ZNF791: variants seen among roughly 807,000 people sequenced by gnomAD.
ZNF791 encodes the protein zinc finger protein 791.
A neutral mutation model predicts 11.5 loss-of-function variants in ZNF791; 4 were observed. The ratio of observed to expected loss-of-function variants is 0.35; its 90% CI spans 0.17 to 0.80. ZNF791 has a LOEUF of 0.80. Among genes scored for constraint, ZNF791 ranks in the 30% least tolerant of loss-of-function variants. The pLI is 0.53. For synonymous variants in ZNF791, 212 were observed against 228.1 expected, an observed-to-expected ratio of 0.93 and a Z score of 0.64; for missense variants, 559 against 699.4, an observed-to-expected ratio of 0.80 and a Z score of 2.26.
rs140336473 is a variant in ZNF791 at position 12,612,806 on chromosome 19, ATTTTTTT to A, written c.3+1741_3+1747del. 1.1e-4 allele frequency among the ~76,000 whole-genome samples: 11 copies of A among 104,226 alleles called. No homozygotes were observed. In the East Asian group the frequency reaches 3.5e-3, roughly 33 times the overall value. 68.4% of individuals were successfully genotyped at this position (104,226 alleles called of 152,430 possible). ...CACTGTGTTTAAGTAATTCTGCTGG[ATTTTTTT>A]TTTTTTTTTTTTTTTTAAAGACCAA... On this transcript the variant is annotated intron_variant, in intron 1 of 3. Coordinates refer to ENST00000343325, the MANE Select transcript of ZNF791 (RefSeq NM_153358.3).
rs1164960843 is a variant in ZNF791 at position 12,633,772 on chromosome 19, AG to A, written c.*4515del. The A allele has an allele frequency of 1.3e-5, 2 of 151,364 alleles. No individual in the cohort carries two copies. The highest frequency in any genetic ancestry group is 3.9e-4 in the East Asian group (2 of 5,086). 9.4% of individuals were successfully genotyped at this position (151,364 alleles called of 1,614,324 possible). On this transcript the variant is annotated 3_prime_UTR_variant, in exon 4 of 4. Coordinates refer to ENST00000343325, the MANE Select transcript of ZNF791 (RefSeq NM_153358.3). The stretch of plus-strand genomic sequence containing the variant: ...TGGTTCTTGTTCTGTTAATGCCACT[AG>A]GGACTATGTATTCCTGATTCCACCA...
intron 1 of ZNF791, among the ~76,000 whole-genome samples, chr19:12,622,070 C>G (rs1464559758): frequency 7.4e-6 from 1 of 135,944 alleles, no homozygotes. Context: ...CCTGTGCTCT[C>G]TGAAACATGT....
In ZNF791 at chr19:12,623,830, A is replaced by G. The variant is rs752595234; in HGVS notation, c.130+4A>G. On this transcript the variant is annotated splice_donor_region_variant and intron_variant, in intron 2 of 3. Transcript: ENST00000343325. Reference sequence around the variant, plus strand: ...TTCAAGAACCTGGCATCTATAGGTAAGGATGACATCATTTTTTCTTTTTTC... The same window carrying G: ...TTCAAGAACCTGGCATCTATAGGTAGGGATGACATCATTTTTTCTTTTTTC... The G allele has an allele frequency of 2.1e-6, 3 of 1,451,912 alleles. No individual in the cohort carries two copies. In the East Asian group the frequency reaches 6.9e-5, roughly 34 times the overall value. 89.9% of individuals were successfully genotyped at this position (1,451,912 alleles called of 1,614,324 possible).
At position 12,627,650 on chromosome 19, in the gene ZNF791, T is replaced by TCTA. The variant is rs2023448401; in HGVS notation, c.192-66_192-64dup. On this transcript the variant is annotated intron_variant, in intron 3 of 3. Transcript: ENST00000343325. ...TCAAAAAAGAAAAAAGAACTTTAGTTCTACTACCCGATAATACATATAAAA... is the reference window on the plus strand; with the variant it reads ...TCAAAAAAGAAAAAAGAACTTTAGTTCTACTACTACCCGATAATACATATAAAA... 3.7e-6 allele frequency: 5 copies of TCTA among 1,349,974 alleles called. No homozygotes were observed. The Admixed American group carries it at 1.1e-4, about 31-fold the overall frequency. 83.6% of individuals were successfully genotyped at this position (1,349,974 alleles called of 1,614,324 possible). A position where few individuals can be genotyped will look rare whatever the true frequency, so the allele number is the denominator to read the frequency against.
intron 1 of ZNF791, among the ~76,000 whole-genome samples, chr19:12,619,662 G>A (rs1243626483): frequency 6.6e-6 from 1 of 151,326 alleles, no homozygotes; most frequent in Non-Finnish European, 1.5e-5. Flanking sequence ...TGTTAGCCAG[G>A]ATGCTCTCGA....
chr19:12,615,684 CAGG>C (rs113964345), intron 1 of ZNF791, among the ~76,000 whole-genome samples: 9,375 of 149,826 alleles, frequency 0.063, 691 homozygotes, highest in African/African-American at 0.18. Context: ...GAGGCTGAGG[CAGG>C]AGAATTGCTT....
intron 1 of ZNF791, 76 bp downstream of exon 1, chr19:12,611,158 C>G (rs2023149538): frequency 1.9e-6 from 3 of 1,590,158 alleles, no homozygotes; most frequent in Admixed American, 3.4e-5. Flanking sequence ...CACCTCCGGC[C>G]GCAGTGTGGG....
chr19:12,622,221 G>C (rs1226725273), intron 1 of ZNF791, among the ~76,000 whole-genome samples: 1 of 138,224 alleles, frequency 7.2e-6, no homozygotes, highest in Non-Finnish European at 1.6e-5. Flanking sequence ...ACTGCGGAAG[G>C]CCGCAGGGTC....
chr19:12,611,702 C>G (rs1353671498), intron 1 of ZNF791, among the ~76,000 whole-genome samples: 1 of 152,160 alleles, frequency 6.6e-6, no homozygotes, highest in African/African-American at 2.4e-5. Flanking sequence ...AAATTATTCA[C>G]TTGGAACTAA....
chr19:12,623,610 C>T lies in ZNF791; in HGVS notation c.4-90C>T. 3.2e-6 allele frequency: 5 copies of T among 1,567,782 alleles called. No individual in the cohort carries two copies. The South Asian group carries it at 5.7e-5, about 18-fold the overall frequency. ...AGTCATGCACTAAATGTTTGGAGACCACAAAATCGTGTGTGAATTTCTTAT... is the reference window on the plus strand; with the variant it reads ...AGTCATGCACTAAATGTTTGGAGACTACAAAATCGTGTGTGAATTTCTTAT... On this transcript the variant is annotated intron_variant, in intron 1 of 3. Coordinates refer to ENST00000343325, the MANE Select transcript of ZNF791 (RefSeq NM_153358.3).
intron 1 of ZNF791, among the ~76,000 whole-genome samples, chr19:12,614,322 C>A (rs1226385203): frequency 1.3e-5 from 2 of 150,438 alleles, no homozygotes; most frequent in East Asian, 4.0e-4. Context: ...CAACCTCCGC[C>A]TCCTGGGTTC....
At chr19:12,624,373 G>A (rs975887328) in intron 2 of ZNF791, among the ~76,000 whole-genome samples, 14 of 151,532 alleles carry the variant, frequency 9.2e-5, no homozygotes, top group African/African-American at 3.4e-4. Context: ...GGCTGGTCTC[G>A]AACTCCTGAC....
Position 12,628,383 on chromosome 19 carries a change from GT to G in ZNF791, c.860del (p.Leu287TyrfsTer61). The G allele has an allele frequency of 6.2e-7, 1 of 1,607,548 alleles. No individual in the cohort carries two copies. The highest frequency in any genetic ancestry group is 8.5e-7 in the Non-Finnish European group (1 of 1,176,842). Reference sequence around the variant, plus strand: ...TGTGGAAAGGCATTCATTTTTCCCAGTTTTTTACGAGTACATGAAAGAATTC... The same window carrying G: ...TGTGGAAAGGCATTCATTTTTCCCAGTTTTTACGAGTACATGAAAGAATTC... ...KECGKAFIFP[S>X]FLRVHERIHT... On this transcript the variant is annotated frameshift_variant, in exon 4 of 4. Transcript: ENST00000343325. LOFTEE classifies it low-confidence loss of function (END_TRUNC).
At chr19:12,626,298 A>C (rs1266152797) in intron 3 of ZNF791, among the ~76,000 whole-genome samples, 1 of 151,496 alleles carries the variant, frequency 6.6e-6, no homozygotes, top group Non-Finnish European at 1.5e-5. Context: ...TACAGGCGTG[A>C]GCCACCATGC....
intron 1 of ZNF791, among the ~76,000 whole-genome samples, chr19:12,622,370 AT>A (rs1364115139): frequency 2.2e-4 from 31 of 139,702 alleles, no homozygotes; most frequent in Admixed American, 5.1e-4. Flanking sequence ...ATTAAAAAAA[AT>A]AATAAATAAA....
intron 3 of ZNF791, among the ~76,000 whole-genome samples, chr19:12,624,993 C>T (rs1051382844): frequency 2.0e-5 from 3 of 150,866 alleles, no homozygotes; most frequent in Non-Finnish European, 4.4e-5. Flanking sequence ...GAGGTTGCAG[C>T]GAGCCGAGAT....
Position 12,623,722 on chromosome 19 carries a change from T to C in ZNF791, c.26T>C (p.Val9Ala). 2 of 1,614,150 alleles carry C rather than the reference T, an allele frequency of 1.2e-6. No homozygotes were observed. Among genetic ancestry groups the C allele is most frequent in the Non-Finnish European group, 1.7e-6 (2 of 1,180,012 alleles). MDSVAFEDVSVSFSQEEWA... is the reference protein window; with the variant it reads MDSVAFEDASVSFSQEEWA... ...CAGGACTCAGTGGCTTTTGAGGATG[T>C]GTCTGTGAGCTTCAGCCAGGAGGAG... Residue 9 changes from valine to alanine, a missense_variant, in exon 2 of 4, where the codon GTG becomes GCG. Transcript: ENST00000343325.
rs1271391430 is a variant in ZNF791, at chr19:12,612,212, T to TTC, written c.3+1131_3+1132insCT. On this transcript the variant is annotated intron_variant, in intron 1 of 3. Transcript: ENST00000343325. ...TAACTGACATTATTATTTTCTTTTT[T>TTC]TTTTTTTTAACAGATGGGGTCTGGC... 19 of 829,906 alleles carry TTC rather than the reference T, an allele frequency of 2.3e-5. No homozygotes were observed. The East Asian group carries it at 2.1e-3, about 92-fold the overall frequency. 51.4% of individuals were successfully genotyped at this position (829,906 alleles called of 1,614,324 possible).
intron 1 of ZNF791, chr19:12,612,209 T>C (rs887021238): frequency 6.6e-5 from 52 of 789,258 alleles, no homozygotes; most frequent in Middle Eastern, 6.8e-4. Context: ...TTATTTTCTT[T>C]TTTTTTTTTT....
Sources: gnomAD v4.1 joint callset for allele counts (sites outside exome capture counted in the v4.1 genomes callset) on GRCh38, gnomAD v4.1.1 for gene constraint, MANE v1.5 for transcripts, NCBI Gene and HGNC (gene_info 2026-07-23, HGNC 2026-07-21) for gene names.